MANBAL: variants seen among roughly 807,000 people sequenced by gnomAD.
MANBAL encodes the protein mannosidase beta like, also known as protein MANBAL.
MANBAL carries 1 observed loss-of-function variant against 6.4 expected under a neutral mutation model. The ratio of observed to expected loss-of-function variants is 0.16; its 90% CI spans 0.06 to 0.74. The LOEUF is 0.74. Among genes scored for constraint, MANBAL ranks in the 30% least tolerant of loss-of-function variants. The pLI is 0.78. For missense variants in MANBAL, 100 were observed against 107.8 expected (o/e 0.93, Z 0.32); for synonymous variants, 47 against 45.8 (o/e 1.03, Z -0.10).
chr20:37,310,861 G>A (rs2069370232), intron 2 of MANBAL, among the ~76,000 whole-genome samples: 1 of 152,214 alleles, frequency 6.6e-6, no homozygotes, highest in South Asian at 2.1e-4. Context: ...TAAAGGCAGG[G>A]CTGTCGGCTT....
At position 37,301,307 on chromosome 20, in the gene MANBAL, C is replaced by T; in HGVS notation, c.44C>T (p.Pro15Leu). 6.2e-7 allele frequency: 1 copy of T among 1,612,008 alleles called. No individual in the cohort carries two copies. The highest frequency in any genetic ancestry group is 8.5e-7 in the Non-Finnish European group (1 of 1,178,534). Residue 15 changes from proline to leucine, a missense_variant, in exon 2 of 3, where the codon CCC becomes CTC. Pro to Leu is a moderately conservative substitution (Grantham distance 98, BLOSUM62 -3). Coordinates refer to ENST00000373606, the MANE Select transcript of MANBAL (RefSeq NM_001003897.2). ...LDFSPPEVPE[P>L]TFLENLLRYG... Reference sequence around the variant, plus strand: ...TTCTCACCTCCGGAGGTGCCCGAGCCCACTTTCCTGGAGAACCTGCTACGG... The same window carrying T: ...TTCTCACCTCCGGAGGTGCCCGAGCTCACTTTCCTGGAGAACCTGCTACGG...
rs762319695 is a variant in MANBAL, at chr20:37,316,496, G to A, written c.*81G>A. 375 of 1,256,856 alleles carry A rather than the reference G, an allele frequency of 3.0e-4. No individual in the cohort carries two copies. Among genetic ancestry groups the A allele is most frequent in the Non-Finnish European group, 3.2e-4 (284 of 894,478 alleles). The allele number at this position is 1,256,856 out of a possible 1,614,324, so 77.9% of individuals were successfully genotyped here. ...CTGGGAATCTACATTGTGTTCCCCCGCATTCCAGGCTCAGGGTCTGAGGAG... is the reference window on the plus strand; with the variant it reads ...CTGGGAATCTACATTGTGTTCCCCCACATTCCAGGCTCAGGGTCTGAGGAG... On this transcript the variant is annotated 3_prime_UTR_variant, in exon 3 of 3. Coordinates refer to ENST00000373606, the MANE Select transcript of MANBAL (RefSeq NM_001003897.2).
chr20:37,305,985 A>T (rs565643618), intron 2 of MANBAL, among the ~76,000 whole-genome samples: 4 of 152,190 alleles, frequency 2.6e-5, no homozygotes, highest in Non-Finnish European at 5.9e-5. Flanking sequence ...AGGGGAAAGA[A>T]GGGGGTTTTA....
intron 2 of MANBAL, among the ~76,000 whole-genome samples, chr20:37,312,853 A>G (rs1600921962): frequency 6.6e-6 from 1 of 152,222 alleles, no homozygotes; most frequent in Non-Finnish European, 1.5e-5. Flanking sequence ...AATTTAGGCC[A>G]GGGTATGTAT....
intron 2 of MANBAL, among the ~76,000 whole-genome samples, chr20:37,312,608 T>A (rs2069413239): frequency 6.6e-6 from 1 of 152,204 alleles, no homozygotes; most frequent in Non-Finnish European, 1.5e-5. Flanking sequence ...TCTGGCATAT[T>A]ATAAACAATA....
At chr20:37,314,821 C>T (rs1305727421) in intron 2 of MANBAL, among the ~76,000 whole-genome samples, 1 of 152,274 alleles carries the variant, frequency 6.6e-6, no homozygotes, top group South Asian at 2.1e-4. Flanking sequence ...GGATCAGATC[C>T]GAGGCAGGGA....
intron 2 of MANBAL, among the ~76,000 whole-genome samples, chr20:37,307,919 G>C (rs1441226783): frequency 6.6e-6 from 1 of 152,186 alleles, no homozygotes; most frequent in Non-Finnish European, 1.5e-5. Context: ...AGACTGAGAA[G>C]GTGCGGGTGC....
chr20:37,304,319 A>C (rs909814360), intron 2 of MANBAL, among the ~76,000 whole-genome samples: 1 of 152,212 alleles, frequency 6.6e-6, no homozygotes, highest in Non-Finnish European at 1.5e-5. Flanking sequence ...ATTATATAAA[A>C]CATTTATATA....
chr20:37,306,912 A>G (rs1024511421), intron 2 of MANBAL, among the ~76,000 whole-genome samples: 4 of 152,210 alleles, frequency 2.6e-5, no homozygotes, highest in African/African-American at 7.2e-5. Flanking sequence ...GGCCTAGACC[A>G]CACCCAGAGA....
At chr20:37,307,574 T>C (rs1212250114) in intron 2 of MANBAL, among the ~76,000 whole-genome samples, 1 of 151,984 alleles carries the variant, frequency 6.6e-6, no homozygotes, top group Non-Finnish European at 1.5e-5. Flanking sequence ...CTGGCCAACA[T>C]GGTGAAACCC....
rs527442491 is a variant in MANBAL at position 37,297,766 on chromosome 20, C to T, written c.-56-3442C>T. The stretch of plus-strand genomic sequence containing the variant: ...CAAGCGATTCTCTTGCCTCAGCCTC[C>T]CAAGTAGCTGGGATTACAGGCACCT... On this transcript the variant is annotated intron_variant, in intron 1 of 2. Coordinates refer to ENST00000373606, the MANE Select transcript of MANBAL (RefSeq NM_001003897.2). Among the ~76,000 whole-genome samples, 58 of 152,070 alleles carry T rather than the reference C, an allele frequency of 3.8e-4. 1 individual carries two copies. The highest frequency in any genetic ancestry group is 1.4e-3 in the African/African-American group (57 of 41,442).
intron 2 of MANBAL, among the ~76,000 whole-genome samples, chr20:37,307,538 C>G (rs1396688784): frequency 1.3e-5 from 2 of 152,164 alleles, no homozygotes; most frequent in Non-Finnish European, 1.5e-5. Flanking sequence ...GGGCGGATCA[C>G]TTGAGGTCAG....
At chr20:37,311,767 G>C (rs777458134) in intron 2 of MANBAL, among the ~76,000 whole-genome samples, 2 of 152,228 alleles carry the variant, frequency 1.3e-5, no homozygotes, top group Non-Finnish European at 2.9e-5. Context: ...GATTACGGGC[G>C]TGAGCCACCG....
At chr20:37,300,734 A>G (rs1210641258) in intron 1 of MANBAL, among the ~76,000 whole-genome samples, 2 of 152,234 alleles carry the variant, frequency 1.3e-5, no homozygotes, top group African/African-American at 4.8e-5. Context: ...TACACAGAAA[A>G]GTTGAAAGAA....
rs1289111817 is a variant in MANBAL at position 37,300,701 on chromosome 20, C to CT, written c.-56-504dup. 3.3e-5 allele frequency among the ~76,000 whole-genome samples: 5 copies of CT among 152,302 alleles called. No individual in the cohort carries two copies. In the South Asian group the frequency reaches 6.2e-4, roughly 19 times the overall value. On this transcript the variant is annotated intron_variant, in intron 1 of 2. Coordinates refer to ENST00000373606, the MANE Select transcript of MANBAL (RefSeq NM_001003897.2). ...CTTTGCATTTATTTATTTTTCTCAA[C>CT]TTTATGTTTGGAAAACATCAGATAC...
Position 37,301,197 on chromosome 20 carries a change from G to GCATTTA in MANBAL, c.-56-8_-56-3dup, listed in dbSNP as rs1464915516. The GCATTTA allele has an allele frequency of 1.4e-6, 2 of 1,390,118 alleles. No homozygotes were observed. The highest frequency in any genetic ancestry group is 2.9e-5 in the African/African-American group (2 of 68,350). The allele number at this position is 1,390,118 out of a possible 1,614,324, so 86.1% of individuals were successfully genotyped here. A position where few individuals can be genotyped will look rare whatever the true frequency, so the allele number is the denominator to read the frequency against. On this transcript the variant is annotated splice_polypyrimidine_tract_variant and intron_variant, in intron 1 of 2. Coordinates refer to ENST00000373606, the MANE Select transcript of MANBAL (RefSeq NM_001003897.2). ...TACAGAAATATGACACTGACCCTTTGCATTTACAAGTTGGTTCTAAAGAGT... is the reference window on the plus strand; with the variant it reads ...TACAGAAATATGACACTGACCCTTTGCATTTACATTTACAAGTTGGTTCTAAAGAGT...
chr20:37,315,277 G>A (rs1215471676), intron 2 of MANBAL, among the ~76,000 whole-genome samples: 1 of 152,252 alleles, frequency 6.6e-6, no homozygotes, highest in Non-Finnish European at 1.5e-5. Flanking sequence ...GATGAAGTCT[G>A]TGGCCTGGAC....
intron 1 of MANBAL, chr20:37,296,852 AT>A (rs1199839826): frequency 6.6e-6 from 1 of 152,138 alleles, no homozygotes; most frequent in African/African-American, 2.4e-5. Context: ...AGGTCAAGAG[AT>A]TATTAGCCCA....
intron 2 of MANBAL, among the ~76,000 whole-genome samples, chr20:37,310,238 C>CT (rs1258910036): frequency 3.3e-5 from 5 of 152,254 alleles, no homozygotes; most frequent in Non-Finnish European, 5.9e-5. Flanking sequence ...TCCTTGCTCT[C>CT]TGTTTCAGCC....
Sources: allele counts gnomAD v4.1 joint callset (sites outside exome capture counted in the v4.1 genomes callset), GRCh38; gene constraint gnomAD v4.1.1; transcripts MANE v1.5; gene names NCBI Gene and HGNC (gene_info 2026-07-23, HGNC 2026-07-21).